Variants in SGCD observed in about 807,000 individuals in gnomAD.
SGCD encodes the protein sarcoglycan delta.
A neutral mutation model predicts 36.6 loss-of-function variants in SGCD; 18 were observed. That is an observed-to-expected ratio of 0.49 (90% confidence interval 0.34 to 0.73). SGCD has a LOEUF of 0.73. SGCD is among the 30% of genes least tolerant of loss of function. SGCD has a pLI of 0.01. For synonymous variants in SGCD, 133 were observed against 130.6 expected (o/e 1.02, Z -0.12); for missense variants, 387 against 346.7 (o/e 1.12, Z -0.92).
intron 3 of SGCD, among the ~76,000 whole-genome samples, chr5:156,353,753 ATGT>A (rs1349418502): frequency 6.6e-6 from 1 of 152,166 alleles, no homozygotes; most frequent in Non-Finnish European, 1.5e-5. Context: ...AATGGCCAAA[ATGT>A]TGTTTTTTAA....
intron 4 of SGCD, among the ~76,000 whole-genome samples, chr5:156,588,689 G>A (rs1760592964): frequency 6.6e-6 from 1 of 152,180 alleles, no homozygotes; most frequent in Admixed American, 6.5e-5. Flanking sequence ...AAGCATACTT[G>A]GGGACATCAG....
At chr5:156,753,692 C>A (rs1757235295) in intron 7 of SGCD, among the ~76,000 whole-genome samples, 1 of 152,134 alleles carries the variant, frequency 6.6e-6, no homozygotes, top group Non-Finnish European at 1.5e-5. Context: ...CACAAGGTGG[C>A]AGGAAGGAGA....
chr5:156,025,853 T>C (rs1175719172), intron 1 of SGCD, among the ~76,000 whole-genome samples: 1 of 152,242 alleles, frequency 6.6e-6, no homozygotes, highest in African/African-American at 2.4e-5. Context: ...CAAGAAAGAA[T>C]TGCCATCTGG....
At chr5:155,807,414 A>T in the SGCD span, among the ~76,000 whole-genome samples, 1 of 152,232 alleles carries the variant, frequency 6.6e-6, no homozygotes, top group Non-Finnish European at 1.5e-5. Context: ...AGTAATTGGG[A>T]TTCACTTGTG....
chr5:156,514,153 T>A (rs941455025), intron 4 of SGCD, among the ~76,000 whole-genome samples: 5 of 152,240 alleles, frequency 3.3e-5, no homozygotes, highest in African/African-American at 1.2e-4. Flanking sequence ...CCTTTATTAC[T>A]ACTTTGTGAG....
At chr5:155,771,937 A>T in the SGCD span, among the ~76,000 whole-genome samples, 1 of 152,196 alleles carries the variant, frequency 6.6e-6, no homozygotes, top group Admixed American at 6.5e-5. Context: ...TTTCAATAAA[A>T]GCTGCTTATT....
At chr5:156,655,499 G>A (rs555690598) in intron 7 of SGCD, among the ~76,000 whole-genome samples, 43 of 152,066 alleles carry the variant, frequency 2.8e-4, no homozygotes, top group African/African-American at 1.0e-3. Context: ...GCAGTCTTTG[G>A]TTAAGATGCT....
intron 1 of SGCD, among the ~76,000 whole-genome samples, chr5:155,975,889 C>T (rs940410413): frequency 6.6e-6 from 1 of 151,874 alleles, no homozygotes. Flanking sequence ...CTCAGCCTCC[C>T]AAAGTGCTGG....
intron 6 of SGCD, among the ~76,000 whole-genome samples, chr5:156,628,688 A>C (rs1762520229): frequency 6.6e-6 from 1 of 152,212 alleles, no homozygotes; most frequent in Non-Finnish European, 1.5e-5. Context: ...TCTAATCACC[A>C]AACCTCAGAA....
At chr5:156,304,559 A>G (rs562358806) in intron 3 of SGCD, among the ~76,000 whole-genome samples, 8 of 152,310 alleles carry the variant, frequency 5.3e-5, no homozygotes, top group African/African-American at 1.7e-4. Context: ...AGTCTCAGGT[A>G]TGTCTTTATC....
rs972874514 is a variant in SGCD, at chr5:156,000,440, G to T, written c.-281-117438G>T. On this transcript the variant is annotated intron_variant, in intron 1 of 9. Coordinates refer to the SGCD transcript ENST00000517913. ...TAATCAGAGAAGGGCTGAGCAGAGG[G>T]CTTCTAAAGCATAAGGCACTTGTTT... Among the ~76,000 whole-genome samples the T allele has an allele frequency of 2.0e-5, 3 of 152,324 alleles. No individual in the cohort carries two copies. In the East Asian group the frequency reaches 5.8e-4, roughly 29 times the overall value.
At chr5:155,764,300 T>A in the SGCD span, among the ~76,000 whole-genome samples, 56 of 152,154 alleles carry the variant, frequency 3.7e-4, no homozygotes, top group African/African-American at 1.4e-3. Flanking sequence ...AAATGCTACA[T>A]AAACAACATC....
At position 156,760,198 on chromosome 5, in the gene SGCD, G is replaced by A. The variant is rs371471056; in HGVS notation, c.*808G>A. On this transcript the variant is annotated 3_prime_UTR_variant, in exon 9 of 9. Coordinates refer to ENST00000337851, the MANE Select transcript of SGCD (RefSeq NM_000337.6). Reference sequence around the variant, plus strand: ...GCTGGAAGCTACTTAATGGCCTGATGGGCAATGAACAAACGGGTGATATGT... The same window carrying A: ...GCTGGAAGCTACTTAATGGCCTGATAGGCAATGAACAAACGGGTGATATGT... 3.3e-5 allele frequency: 5 copies of A among 152,280 alleles called. No individual in the cohort carries two copies. In the South Asian group the frequency reaches 1.0e-3, roughly 32 times the overall value. 9.4% of individuals were successfully genotyped at this position (152,280 alleles called of 1,614,324 possible).
At position 155,925,571 on chromosome 5, in the gene SGCD, T is replaced by A. The variant is rs143589876; in HGVS notation, c.-282+55147T>A. On this transcript the variant is annotated intron_variant, in intron 1 of 9. Coordinates refer to the SGCD transcript ENST00000517913. ...GCTGCCTTCCTGCTGTGTTTCTGTG[T>A]CTTCATATGGCATTTTGTTTGTGTC... 3.0e-3 allele frequency among the ~76,000 whole-genome samples: 452 copies of A among 152,286 alleles called. 7 individuals are homozygous for A. Among genetic ancestry groups the A allele is most frequent in the East Asian group, 0.021 (107 of 5,176 alleles).
intron 4 of SGCD, among the ~76,000 whole-genome samples, chr5:156,530,487 A>G (rs1333709629): frequency 1.3e-5 from 2 of 152,026 alleles, no homozygotes; most frequent in African/African-American, 4.8e-5. Context: ...CATTCTCAAT[A>G]GTTTTTTGTA....
intron 3 of SGCD, among the ~76,000 whole-genome samples, chr5:156,387,808 A>T (rs548385285): frequency 7.7e-4 from 118 of 152,296 alleles, no homozygotes; most frequent in Non-Finnish European, 1.3e-3. Context: ...ATTGCCTTTG[A>T]CACAAAATAA....
chr5:156,169,255 A>C (rs1162504834), intron 3 of SGCD, among the ~76,000 whole-genome samples: 1 of 152,226 alleles, frequency 6.6e-6, no homozygotes, highest in Non-Finnish European at 1.5e-5. Flanking sequence ...GCCTATTTAC[A>C]GTACTCAGGC....
chr5:156,218,239 G>A (rs908025551), intron 3 of SGCD, among the ~76,000 whole-genome samples: 1 of 152,044 alleles, frequency 6.6e-6, no homozygotes, highest in Non-Finnish European at 1.5e-5. Context: ...GCAACAGAGC[G>A]AGACTCCATC....
intron 1 of SGCD, among the ~76,000 whole-genome samples, chr5:156,038,926 A>C (rs779855789): frequency 5.9e-5 from 9 of 152,176 alleles, no homozygotes; most frequent in Non-Finnish European, 1.3e-4. Context: ...CAGGGCCTAC[A>C]AAACCCTGCT....
Sources: gnomAD v4.1 joint callset for allele counts (sites outside exome capture counted in the v4.1 genomes callset) on GRCh38, gnomAD v4.1.1 for gene constraint, MANE v1.5 for transcripts, NCBI Gene and HGNC (gene_info 2026-07-23, HGNC 2026-07-21) for gene names.